Variants in UBE2N observed in about 807,000 individuals in gnomAD.
The protein encoded by UBE2N is ubiquitin conjugating enzyme E2 N.
For missense variants in UBE2N, 60 were observed against 192.1 expected (o/e 0.31, Z 4.07); for synonymous variants, 70 against 69.2 (o/e 1.01, Z -0.06).
At chr12:93,417,324 T>C (rs1878250171) in intron 1 of UBE2N, among the ~76,000 whole-genome samples, 1 of 152,242 alleles carries the variant, frequency 6.6e-6, no homozygotes, top group Non-Finnish European at 1.5e-5. Flanking sequence ...TAGTCAATTA[T>C]AACAACTGAC....
chr12:93,437,354 G>C (rs1471245456), intron 1 of UBE2N, among the ~76,000 whole-genome samples: 1 of 150,450 alleles, frequency 6.6e-6, no homozygotes, highest in Non-Finnish European at 1.5e-5. Flanking sequence ...GCAGCAGTCT[G>C]TCTCTTAAAA....
In UBE2N at chr12:93,406,882, C is replaced by T. The variant is rs1877851209; in HGVS notation, c.*3157G>A. 1 of 152,220 alleles carries T rather than the reference C, an allele frequency of 6.6e-6. No homozygotes were observed. Among genetic ancestry groups the T allele is most frequent in the Admixed American group, 6.5e-5 (1 of 15,288 alleles). The allele number at this position is 152,220 out of a possible 1,614,324, so 9.4% of individuals were successfully genotyped here. A position where few individuals can be genotyped will look rare whatever the true frequency, so the allele number is the denominator to read the frequency against. On this transcript the variant is annotated 3_prime_UTR_variant, in exon 4 of 4. Transcript: ENST00000318066. ...ACTTTACTTTAGACCTAAGATCTTG[C>T]TAGACAGCCTTTGAGAGGATGAAGG...
At chr12:93,436,408 T>C (rs983532482) in intron 1 of UBE2N, among the ~76,000 whole-genome samples, 1 of 152,228 alleles carries the variant, frequency 6.6e-6, no homozygotes, top group Non-Finnish European at 1.5e-5. Context: ...TCAGCCCTCA[T>C]GATTAATTCT....
At chr12:93,423,002 T>C (rs1878465908) in intron 1 of UBE2N, among the ~76,000 whole-genome samples, 1 of 152,212 alleles carries the variant, frequency 6.6e-6, no homozygotes, top group Non-Finnish European at 1.5e-5. Flanking sequence ...ATGAGGTTGG[T>C]AGTATGCATC....
Position 93,415,554 on chromosome 12 carries a change from T to C in UBE2N, c.31-4255A>G, listed in dbSNP as rs140710022. ...TCTGACCTTGGGAAGTCCTTTAACA[T>C]GTGACCAGAACAAAAGAGGCTGGTC... On this transcript the variant is annotated intron_variant, in intron 1 of 3. Transcript: ENST00000318066. Among the ~76,000 whole-genome samples, 169 of 152,284 alleles carry C rather than the reference T, an allele frequency of 1.1e-3. 1 individual carries two copies. The highest frequency in any genetic ancestry group is 3.9e-3 in the African/African-American group (163 of 41,552).
intron 3 of UBE2N, chr12:93,410,363 TAGC>T (rs910393062): frequency 8.2e-6 from 4 of 490,432 alleles, no homozygotes; most frequent in African/African-American, 8.0e-5. Flanking sequence ...TTAAAATCTG[TAGC>T]AGAAGCTTCT....
intron 1 of UBE2N, among the ~76,000 whole-genome samples, chr12:93,419,395 A>G (rs1321819095): frequency 6.6e-6 from 1 of 152,182 alleles, no homozygotes; most frequent in East Asian, 1.9e-4. Flanking sequence ...CGTCTCAAAA[A>G]AAAAAAAAAG....
At chr12:93,430,031 A>G (rs1022015468) in intron 1 of UBE2N, among the ~76,000 whole-genome samples, 1 of 152,212 alleles carries the variant, frequency 6.6e-6, no homozygotes, top group Non-Finnish European at 1.5e-5. Flanking sequence ...GTAATGTCCT[A>G]GCCCTTCAAA....
Position 93,435,356 on chromosome 12 carries a change from C to T in UBE2N, c.30+6499G>A, listed in dbSNP as rs911536640. On this transcript the variant is annotated intron_variant, in intron 1 of 3. Transcript: ENST00000318066. ...GGCGTGGTGGCATACACCTGTAATC[C>T]CAGCTACTAGGGAGGCTGAGGCAGG... Among the ~76,000 whole-genome samples, 5 of 152,210 alleles carry T rather than the reference C, an allele frequency of 3.3e-5. 1 individual carries two copies. Among genetic ancestry groups the T allele is most frequent in the East Asian group, 1.9e-4 (1 of 5,188 alleles).
rs150237347 is a variant in UBE2N at position 93,410,522 on chromosome 12, A to T, written c.418+212T>A. 807 of 653,222 alleles carry T rather than the reference A, an allele frequency of 1.2e-3. 11 individuals carry two copies. The East Asian group carries it at 0.02, about 16-fold the overall frequency. The allele number at this position is 653,222 out of a possible 1,614,324, so 40.5% of individuals were successfully genotyped here. On this transcript the variant is annotated intron_variant, in intron 3 of 3. Transcript: ENST00000318066. ...GTTAAACCAGGTGTAGTTACAAGAG[A>T]CTCCAAGATCTTTCAATTACAGGTT... is the stretch of plus-strand genomic sequence containing the variant.
chr12:93,426,354 A>G (rs952772845), intron 1 of UBE2N, among the ~76,000 whole-genome samples: 3 of 151,144 alleles, frequency 2.0e-5, no homozygotes, highest in African/African-American at 7.3e-5. Context: ...CTTGCTAGCA[A>G]CACGAGCCAG....
chr12:93,436,100 A>G (rs908076489), intron 1 of UBE2N, among the ~76,000 whole-genome samples: 2 of 151,984 alleles, frequency 1.3e-5, no homozygotes, highest in African/African-American at 4.8e-5. Context: ...CATTTTCATT[A>G]TTATCATTAT....
chr12:93,421,230 C>G (rs1443535973), intron 1 of UBE2N, among the ~76,000 whole-genome samples: 1 of 148,934 alleles, frequency 6.7e-6, no homozygotes, highest in Non-Finnish European at 1.5e-5. Flanking sequence ...GGGACAGATT[C>G]TCACTCTGTC....
intron 1 of UBE2N, among the ~76,000 whole-genome samples, chr12:93,414,448 C>CAAAAA (rs398020640): frequency 6.8e-5 from 5 of 73,992 alleles, no homozygotes; most frequent in African/African-American, 2.1e-4. Flanking sequence ...AGCTCCGTCT[C>CAAAAA]AAAAAAAAAA....
chr12:93,411,917 C>A (rs1184763427), intron 1 of UBE2N, among the ~76,000 whole-genome samples: 1 of 152,074 alleles, frequency 6.6e-6, no homozygotes, highest in Non-Finnish European at 1.5e-5. Context: ...GTCTTGAACT[C>A]CTGGCCTCAA....
rs188291931 is a variant in UBE2N at position 93,408,070 on chromosome 12, A to C, written c.*1969T>G. 2.6e-4 allele frequency: 39 copies of C among 152,360 alleles called. 2 individuals carry two copies. The highest frequency in any genetic ancestry group is 2.3e-3 in the Admixed American group (35 of 15,306). 9.4% of individuals were successfully genotyped at this position (152,360 alleles called of 1,614,324 possible). ...TAAATCTGGAATTTCATGGTTTGTAAATCACTATGTGATACTAGCTATAAC... is the reference window on the plus strand; with the variant it reads ...TAAATCTGGAATTTCATGGTTTGTACATCACTATGTGATACTAGCTATAAC... On this transcript the variant is annotated 3_prime_UTR_variant, in exon 4 of 4. Transcript: ENST00000318066.
chr12:93,436,709 C>A (rs113005566), intron 1 of UBE2N, among the ~76,000 whole-genome samples: 1 of 152,050 alleles, frequency 6.6e-6, no homozygotes, highest in Non-Finnish European at 1.5e-5. Context: ...AATCCTTGGG[C>A]CTCAGTCTCC....
At chr12:93,434,753 G>A (rs947482876) in intron 1 of UBE2N, among the ~76,000 whole-genome samples, 1 of 152,144 alleles carries the variant, frequency 6.6e-6, no homozygotes, top group African/African-American at 2.4e-5. Context: ...GAAGAGGTCA[G>A]AAAATTCTTA....
rs1040589911 is a variant in UBE2N at position 93,431,258 on chromosome 12, C to T, written c.30+10597G>A. Among the ~76,000 whole-genome samples the T allele has an allele frequency of 3.9e-5, 6 of 152,312 alleles. 1 individual carries two copies. The highest frequency in any genetic ancestry group is 1.9e-4 in the East Asian group (1 of 5,188). ...AAAGCCAACCAACCAACCAAACAAA[C>T]AAAACACAACCCAAAACAAGTAAGC... On this transcript the variant is annotated intron_variant, in intron 1 of 3. Transcript: ENST00000318066.
Sources: gnomAD v4.1 joint callset for allele counts (sites outside exome capture counted in the v4.1 genomes callset) on GRCh38, gnomAD v4.1.1 for gene constraint, MANE v1.5 for transcripts, NCBI Gene and HGNC (gene_info 2026-07-23, HGNC 2026-07-21) for gene names.